Variants in SANBR observed in about 807,000 individuals in gnomAD.
SANBR encodes the protein SANT and BTB domain regulator of CSR, also known as SANT and BTB domain regulator of class switch recombination.
A neutral mutation model predicts 101.8 loss-of-function variants in SANBR; 77 were observed. The observed-to-expected ratio is 0.76, with a 90% CI of 0.63 to 0.91. The LOEUF (loss-of-function observed/expected upper bound fraction) is 0.91. Ranked by LOEUF, SANBR falls within the 40% of genes least tolerant of loss-of-function variation. The pLI is 0.00. For synonymous variants in SANBR, 279 were observed against 274.7 expected, an observed-to-expected ratio of 1.02 and a Z score of -0.15; for missense variants, 875 against 853.0, an observed-to-expected ratio of 1.03 and a Z score of -0.32.
chr2:61,136,987 A>G (rs1408764453), intron 21 of SANBR, among the ~76,000 whole-genome samples: 1 of 151,684 alleles, frequency 6.6e-6, no homozygotes, highest in African/African-American at 2.4e-5. Flanking sequence ...AACAACAACA[A>G]CAACGATAAT....
At chr2:61,130,885 A>C (rs1187121179) in intron 20 of SANBR, among the ~76,000 whole-genome samples, 3 of 131,538 alleles carry the variant, frequency 2.3e-5, no homozygotes, top group Admixed American at 1.7e-4. Flanking sequence ...AGCCGAGATC[A>C]CACCATTGCA....
chr2:61,126,693 T>G (rs1437804864), downstream of SANBR, among the ~76,000 whole-genome samples: 4 of 150,530 alleles, frequency 2.7e-5, no homozygotes, highest in Admixed American at 1.3e-4. Flanking sequence ...TCCCAGCTAC[T>G]TGGGAGGCTG....
In SANBR at chr2:61,071,696, G is replaced by C. The variant is rs758612700; in HGVS notation, c.241G>C (p.Val81Leu). Residue 81 changes from valine (V) to leucine (L), a missense_variant, in exon 4 of 22, where the codon GTT becomes CTT. Val to Leu is a conservative substitution (Grantham distance 32). Transcript: ENST00000402291. ...CCTAATGGCTGCTGGAGAGAGTCCT[G>C]TTGAAACTTTAGCCACATATATCAA... ...NSLMAAGESP[V>L]ETLATYIKSS... The C allele has an allele frequency of 6.2e-7, 1 of 1,607,026 alleles. No homozygotes were observed. Among genetic ancestry groups the C allele is most frequent in the Non-Finnish European group, 8.5e-7 (1 of 1,177,518 alleles).
In SANBR at chr2:61,076,908, A is replaced by G. The variant is rs1310359107; in HGVS notation, c.432-12A>G. 1.3e-6 allele frequency: 2 copies of G among 1,582,936 alleles called. No individual in the cohort carries two copies. The highest frequency in any genetic ancestry group is 1.7e-6 in the Non-Finnish European group (2 of 1,157,466). The stretch of plus-strand genomic sequence containing the variant: ...TCTAATAATTTCATTTTTGTGTAAC[A>G]TTTTTATGAAGGCCAAACATGGTGA... On this transcript the variant is annotated splice_polypyrimidine_tract_variant and intron_variant, in intron 5 of 21. Coordinates refer to ENST00000402291, the MANE Select transcript of SANBR (RefSeq NM_001129993.3).
rs973810024 is a variant in SANBR at position 61,085,336 on chromosome 2, AT to A, written c.890+2031del. ...TGGTATGAGGTAGGGGTCAAGGTTC[AT>A]TTTTTTTTCCCCAAATAGATATCTA... On this transcript the variant is annotated intron_variant, in intron 8 of 21. Transcript: ENST00000402291. Among the ~76,000 whole-genome samples the A allele has an allele frequency of 1.4e-3, 208 of 150,652 alleles. 1 individual carries two copies. The highest frequency in any genetic ancestry group is 4.8e-3 in the African/African-American group (196 of 41,050).
intron 10 of SANBR, chr2:61,090,718 T>TTGTGTGTGTGTGTGTGTGTGTGTG (rs58195165): frequency 2.4e-4 from 34 of 143,232 alleles, no homozygotes; most frequent in African/African-American, 8.6e-4. Context: ...GGCACAGGGT[T>TTGTGTGTGTGTGTGTGTGTGTGTG]TGTGTGTGTG....
intron 1 of SANBR, 113 bp downstream of exon 1, chr2:61,066,140 G>T (rs1204542744): frequency 6.6e-6 from 1 of 152,264 alleles, no homozygotes; most frequent in African/African-American, 2.4e-5. Flanking sequence ...CCCCGGGCGG[G>T]GTCCCACTTG....
chr2:61,074,390 T>G (rs1473355880), intron 5 of SANBR, among the ~76,000 whole-genome samples: 1 of 152,206 alleles, frequency 6.6e-6, no homozygotes, highest in Non-Finnish European at 1.5e-5. Context: ...GTTCAGTTAT[T>G]TTTAGTTTAT....
At position 61,116,070 on chromosome 2, in the gene SANBR, G is replaced by A; in HGVS notation, c.1836G>A (p.Lys612=). The A allele has an allele frequency of 1.3e-6, 2 of 1,589,456 alleles. No individual in the cohort carries two copies. The highest frequency in any genetic ancestry group is 1.1e-5 in the South Asian group (1 of 88,138). ...CAQRKEKALE[K]SASRDVSPFV... ...AGAGGAAAGAAAAGGCATTGGAGAA[G>A]GTAACTCTGAATTATCTGTTGTTAA... Residue 612 remains lysine (K), a splice_region_variant and synonymous_variant, in exon 17 of 22, where the codon AAG becomes AAA. Coordinates refer to ENST00000402291, the MANE Select transcript of SANBR (RefSeq NM_001129993.3).
chr2:61,111,190 G>A (rs1002879348), intron 16 of SANBR, among the ~76,000 whole-genome samples: 6 of 152,060 alleles, frequency 3.9e-5, no homozygotes, highest in Non-Finnish European at 5.9e-5. Flanking sequence ...TCAGAAGATC[G>A]AGACCATCCT....
Position 61,092,497 on chromosome 2 carries a change from T to C in SANBR, c.1122T>C (p.Asn374=). The part of the protein sequence containing the change: ...DKTWDVHEYL[N]SLFEELKSWR... ...CATGGGATGTTCATGAGTATTTGAA[T>C]AGTCTTTTCGAAGAATTAAAATCTT... The change falls in exon 11 of 22, where the codon AAT becomes AAC. Residue 374 remains asparagine, a synonymous_variant. Coordinates refer to ENST00000402291, the MANE Select transcript of SANBR (RefSeq NM_001129993.3). 1 of 1,603,360 alleles carries C rather than the reference T, an allele frequency of 6.2e-7. No individual in the cohort carries two copies. The highest frequency in any genetic ancestry group is 8.5e-7 in the Non-Finnish European group (1 of 1,175,074).
rs1684376014 is a variant in SANBR, at chr2:61,122,537, C to T, written c.*375C>T. 2.0e-6 allele frequency: 2 copies of T among 1,003,698 alleles called. No individual in the cohort carries two copies. Among genetic ancestry groups the T allele is most frequent in the Non-Finnish European group, 2.4e-6 (2 of 842,118 alleles). The allele number at this position is 1,003,698 out of a possible 1,614,324, so 62.2% of individuals were successfully genotyped here. ...AGGGGAACACAACTGGTAGTGTTAC[C>T]ATGCATGGCACTGATTGTAGTATGT... is the stretch of plus-strand genomic sequence containing the variant. On this transcript the variant is annotated 3_prime_UTR_variant, in exon 22 of 22. Coordinates refer to ENST00000402291, the MANE Select transcript of SANBR (RefSeq NM_001129993.3).
At chr2:61,102,248 C>T (rs759783380) in intron 12 of SANBR, among the ~76,000 whole-genome samples, 19 of 150,634 alleles carry the variant, frequency 1.3e-4, no homozygotes, top group East Asian at 2.0e-4. Context: ...TGGTGGTGTG[C>T]GCCTGTAGTC....
intron 11 of SANBR, among the ~76,000 whole-genome samples, chr2:61,096,354 A>T (rs1276904563): frequency 2.6e-5 from 4 of 152,104 alleles, no homozygotes; most frequent in Admixed American, 2.6e-4. Context: ...AGAGCCCCAT[A>T]GTATCTCTGA....
At chr2:61,084,473 A>G (rs1682315272) in intron 8 of SANBR, among the ~76,000 whole-genome samples, 1 of 152,058 alleles carries the variant, frequency 6.6e-6, no homozygotes, top group South Asian at 2.1e-4. Flanking sequence ...GCTTGAGGCC[A>G]GGTGTTGAAA....
chr2:61,080,255 A>G (rs1682037279), intron 6 of SANBR, among the ~76,000 whole-genome samples: 1 of 151,898 alleles, frequency 6.6e-6, no homozygotes, highest in Non-Finnish European at 1.5e-5. Context: ...ACCTTAAATC[A>G]GTGTTTATAA....
chr2:61,134,082 C>T, intron 20 of SANBR: 2 of 1,592,364 alleles, frequency 1.3e-6, no homozygotes, highest in East Asian at 2.3e-5. Flanking sequence ...TTGTGTTTGC[C>T]TGGGTGTGTA....
chr2:61,077,020 G>A lies in SANBR; in HGVS notation c.532G>A (p.Glu178Lys). The A allele has an allele frequency of 6.2e-7, 1 of 1,614,104 alleles. No individual in the cohort carries two copies. Among genetic ancestry groups the A allele is most frequent in the African/African-American group, 1.3e-5 (1 of 75,050 alleles). Residue 178 changes from glutamate to lysine, a missense_variant, in exon 6 of 22, where the codon GAA becomes AAA. Coordinates refer to ENST00000402291, the MANE Select transcript of SANBR (RefSeq NM_001129993.3). ...GATATCAGAAATGAAGTACTTTGCT[G>A]AATATTTATCTATGGATGCCCAGCG... Reference protein sequence around the residue: ...LLISEMKYFAEYLSMDAQRWE... With the variant: ...LLISEMKYFAKYLSMDAQRWE...
At chr2:61,108,119 A>G (rs775438297) in intron 14 of SANBR, among the ~76,000 whole-genome samples, 198 bp from the exon 15 acceptor site, 19 of 152,200 alleles carry the variant, frequency 1.2e-4, no homozygotes, top group Non-Finnish European at 8.8e-5. Context: ...TCTTTTAGAA[A>G]ACATCCACAT....
Sources: allele counts gnomAD v4.1 joint callset (sites outside exome capture counted in the v4.1 genomes callset), GRCh38; gene constraint gnomAD v4.1.1; transcripts MANE v1.5; gene names NCBI Gene and HGNC (gene_info 2026-07-23, HGNC 2026-07-21).